The following CTNNA1 variants were observed in gnomAD, a reference collection of about 807,000 sequenced individuals.
The protein encoded by CTNNA1 is catenin alpha 1.
A neutral mutation model predicts 98.4 loss-of-function variants in CTNNA1; 37 were observed. The ratio of observed to expected loss-of-function variants is 0.38; its 90% CI spans 0.29 to 0.49. CTNNA1 has a LOEUF of 0.49. Among genes scored for constraint, CTNNA1 ranks in the 20% least tolerant of loss-of-function variants. CTNNA1 has a pLI of 0.95. For missense variants in CTNNA1, 761 were observed against 1,147.2 expected (o/e 0.66, Z 4.86); for synonymous variants, 404 against 413.2 (o/e 0.98, Z 0.27).
chr5:138,830,892 C>T (rs1761211825), intron 7 of CTNNA1, among the ~76,000 whole-genome samples: 1 of 152,120 alleles, frequency 6.6e-6, no homozygotes, highest in Admixed American at 6.5e-5. Flanking sequence ...TCTGGGAAAT[C>T]CAGGAGGCTT....
At chr5:138,772,400 G>A (rs1753646749) in intron 1 of CTNNA1, among the ~76,000 whole-genome samples, 1 of 152,190 alleles carries the variant, frequency 6.6e-6, no homozygotes, top group South Asian at 2.1e-4. Flanking sequence ...TAGATCTTGC[G>A]AAGGAGTGCT....
At chr5:138,932,490 C>T (rs985946006) in intron 16 of CTNNA1, 88 bp from the exon 17 acceptor site, 129 of 1,541,548 alleles carry the variant, frequency 8.4e-5, no homozygotes, top group Non-Finnish European at 1.1e-4. Flanking sequence ...CATGTGAGTG[C>T]CACACTGAAC....
rs2149652103 is a variant in CTNNA1, at chr5:138,782,025, C to T, written c.101C>T (p.Thr34Ile). ...GAGAGACTGTTGGAGCCTCTTGTTA[C>T]ACAGGTAAGAATCTGAAAACACAAA... is the stretch of plus-strand genomic sequence containing the variant. ...AVERLLEPLVTQVTTLVNTNS... is the reference protein window; with the variant it reads ...AVERLLEPLVIQVTTLVNTNS... The change falls in exon 2 of 18, where the codon ACA (threonine) becomes ATA (isoleucine). Residue 34 changes from threonine (T) to isoleucine (I), a missense_variant. Physicochemically the swap from Thr to Ile is moderately conservative, Grantham distance 89 (BLOSUM62 -1). Transcript: ENST00000302763. The T allele has an allele frequency of 6.2e-7, 1 of 1,608,412 alleles. No homozygotes were observed. Among genetic ancestry groups the T allele is most frequent in the Non-Finnish European group, 8.5e-7 (1 of 1,178,758 alleles).
chr5:138,929,662 G>T (rs893136917), intron 14 of CTNNA1, among the ~76,000 whole-genome samples: 2 of 152,154 alleles, frequency 1.3e-5, no homozygotes, highest in Non-Finnish European at 2.9e-5. Flanking sequence ...CGTGAAATTT[G>T]AAAAAGATTG....
At position 138,873,613 on chromosome 5, in the gene CTNNA1, G is replaced by T. The variant is rs772215795; in HGVS notation, c.1063-12599G>T. The T allele has an allele frequency of 1.2e-6, 2 of 1,614,004 alleles. No homozygotes were observed. The highest frequency in any genetic ancestry group is 1.7e-6 in the Non-Finnish European group (2 of 1,179,884). ...AGGAGGCCAGAGCACATATTCGGGC[G>T]CTGCATTCCCACAGATTGCCAGAGA... is the stretch of plus-strand genomic sequence containing the variant. On this transcript the variant is annotated intron_variant, in intron 7 of 17. Coordinates refer to ENST00000302763, the MANE Select transcript of CTNNA1 (RefSeq NM_001903.5). The surrounding 1 kb of genome is among the most constrained non-coding windows in gnomAD (Gnocchi z 6.1).
intron 1 of CTNNA1, among the ~76,000 whole-genome samples, chr5:138,758,549 G>A (rs776665908): frequency 7.2e-5 from 11 of 152,072 alleles, no homozygotes; most frequent in East Asian, 1.9e-4. Context: ...GCTAATTTTT[G>A]TATTTTTAGT....
In CTNNA1 at chr5:138,753,525, CCCT is replaced by C; in HGVS notation, c.-3+20_-3+22del. On this transcript the variant is annotated intron_variant, in intron 1 of 17. Transcript: ENST00000302763. ...GCTAGCCGCAGGTAACTTCGTACCTCCCTCCTCGCGGGCGCGGTCTCTCGGGCC... is the reference window on the plus strand; with the variant it reads ...GCTAGCCGCAGGTAACTTCGTACCTCCCTCGCGGGCGCGGTCTCTCGGGCC... The C allele has an allele frequency of 5.3e-6, 2 of 377,308 alleles. No homozygotes were observed. Among genetic ancestry groups the C allele is most frequent in the Non-Finnish European group, 9.4e-6 (2 of 212,160 alleles). The allele number at this position is 377,308 out of a possible 1,614,324, so 23.4% of individuals were successfully genotyped here.
Position 138,829,779 on chromosome 5 carries a change from C to T in CTNNA1, c.1062+2061C>T, listed in dbSNP as rs549222517. On this transcript the variant is annotated intron_variant, in intron 7 of 17. Transcript: ENST00000302763. ...TCTTGAAAGAAATCTTGGCCGGGCACGGTGGCTCACGCCTGTAATCCCAGC... is the reference window on the plus strand; with the variant it reads ...TCTTGAAAGAAATCTTGGCCGGGCATGGTGGCTCACGCCTGTAATCCCAGC... Among the ~76,000 whole-genome samples, 8 of 152,222 alleles carry T rather than the reference C, an allele frequency of 5.3e-5. No homozygotes were observed. The East Asian group carries it at 1.4e-3, about 26-fold the overall frequency.
At chr5:138,816,758 T>G (rs1454820842) in intron 5 of CTNNA1, among the ~76,000 whole-genome samples, 1 of 152,064 alleles carries the variant, frequency 6.6e-6, no homozygotes, top group Non-Finnish European at 1.5e-5. Context: ...TGGAGTGCAG[T>G]GGTGCAATCT....
intron 7 of CTNNA1, among the ~76,000 whole-genome samples, chr5:138,841,195 T>A (rs1221777748): frequency 6.6e-6 from 1 of 152,232 alleles, no homozygotes; most frequent in African/African-American, 2.4e-5. Context: ...GCTAATGAAG[T>A]CCTTGCCAGC....
intron 7 of CTNNA1, chr5:138,875,799 T>A: frequency 1.1e-6 from 1 of 885,078 alleles, no homozygotes; most frequent in Non-Finnish European, 1.4e-6. Flanking sequence ...CATGCTTGGT[T>A]AAAATCAAAG....
rs751634610 is a variant in CTNNA1 at position 138,904,458 on chromosome 5, A to G, written c.1389+17A>G. On this transcript the variant is annotated intron_variant, in intron 10 of 17. Coordinates refer to ENST00000302763, the MANE Select transcript of CTNNA1 (RefSeq NM_001903.5). ...TGTCCTCAGGTAAAGTACAACTGACACTGGTGACAGCATAACCAAATTAAA... is the reference window on the plus strand; with the variant it reads ...TGTCCTCAGGTAAAGTACAACTGACGCTGGTGACAGCATAACCAAATTAAA... The G allele has an allele frequency of 6.2e-7, 1 of 1,607,596 alleles. No homozygotes were observed. Among genetic ancestry groups the G allele is most frequent in the South Asian group, 1.1e-5 (1 of 90,244 alleles).
chr5:138,871,845 G>C (rs1750669314), intron 7 of CTNNA1: 1 of 151,642 alleles, frequency 6.6e-6, no homozygotes, highest in African/African-American at 2.4e-5. Context: ...ATAATAGTTG[G>C]AAAGTGTTTT....
At chr5:138,897,845 G>A (rs1757217766) in intron 9 of CTNNA1, among the ~76,000 whole-genome samples, 1 of 152,178 alleles carries the variant, frequency 6.6e-6, no homozygotes, top group African/African-American at 2.4e-5. Flanking sequence ...TCAAGCAAAG[G>A]CAGTTGGATG....
chr5:138,923,003 GAACGGAAAGGAATGCCATAC>G (rs1417386128), intron 11 of CTNNA1, among the ~76,000 whole-genome samples: 5 of 129,206 alleles, frequency 3.9e-5, no homozygotes, highest in African/African-American at 1.5e-4. Context: ...GGTCACTTTT[GAACGGAAAGGAATGCCATAC>G]TTCATTGATT....
In CTNNA1 at chr5:138,862,900, G is replaced by T. The variant is rs116716732; in HGVS notation, c.1063-23312G>T. Among the ~76,000 whole-genome samples the T allele has an allele frequency of 5.2e-3, 795 of 152,330 alleles. 3 individuals carry two copies. The highest frequency in any genetic ancestry group is 0.016 in the African/African-American group (678 of 41,554). On this transcript the variant is annotated intron_variant, in intron 7 of 17. Coordinates refer to ENST00000302763, the MANE Select transcript of CTNNA1 (RefSeq NM_001903.5). ...ATTACATTCTCTATTTGATGGATCTGTAGCATTTCACTCTCTACACGTTGC... is the reference window on the plus strand; with the variant it reads ...ATTACATTCTCTATTTGATGGATCTTTAGCATTTCACTCTCTACACGTTGC...
rs770599506 is a variant in CTNNA1, at chr5:138,783,370, A to G, written c.299A>G (p.Gln100Arg). Residue 100 changes from glutamine to arginine, a missense_variant and splice_region_variant, in exon 3 of 18, where the codon CAA becomes CGA. This residue lies in a region of CTNNA1 where 328 missense variants were observed against 354.3 expected (regional missense o/e 0.93). Transcript: ENST00000302763. ...LVAAVEDVRK[Q>R]GDLMKAAAGE... is the part of the protein sequence containing the mutation. ...GCTGCTGTAGAAGATGTTCGAAAACAAGGTAGGTCATTACTGCTTTTTAGG... is the reference window on the plus strand; with the variant it reads ...GCTGCTGTAGAAGATGTTCGAAAACGAGGTAGGTCATTACTGCTTTTTAGG... The G allele has an allele frequency of 6.2e-7, 1 of 1,612,008 alleles. No individual in the cohort carries two copies. The highest frequency in any genetic ancestry group is 2.2e-5 in the East Asian group (1 of 44,880).
At chr5:138,933,155 A>G (rs1254988926) in intron 17 of CTNNA1, among the ~76,000 whole-genome samples, 2 of 152,184 alleles carry the variant, frequency 1.3e-5, no homozygotes, top group African/African-American at 4.8e-5. Context: ...ACAACAAAAC[A>G]AAACAAAACT....
intron 7 of CTNNA1, among the ~76,000 whole-genome samples, chr5:138,855,304 T>C (rs1003855965): frequency 2.0e-5 from 3 of 152,246 alleles, no homozygotes; most frequent in Non-Finnish European, 4.4e-5. Flanking sequence ...CCCAAAGTGC[T>C]GTGATTATAG....
Sources: allele counts gnomAD v4.1 joint callset (sites outside exome capture counted in the v4.1 genomes callset), GRCh38; gene constraint gnomAD v4.1.1; regional missense constraint gnomAD v4.1.1; non-coding constraint Gnocchi (gnomAD v3.1); transcripts MANE v1.5; gene names NCBI Gene and HGNC (gene_info 2026-07-23, HGNC 2026-07-21).